The following CRPPA variants were observed in gnomAD, a reference collection of about 807,000 sequenced individuals.
CRPPA encodes the protein CDP-L-ribitol pyrophosphorylase A.
CRPPA carries 43 observed loss-of-function variants against 52.0 expected under a neutral mutation model. That is an observed-to-expected ratio of 0.83 (90% CI 0.65 to 1.07). CRPPA has a LOEUF of 1.07. Ranked by LOEUF, CRPPA falls within the 50% of genes least tolerant of loss-of-function variation. The pLI, the probability that CRPPA is intolerant of heterozygous loss-of-function variation, is 0.00. For synonymous variants in CRPPA, 250 were observed against 203.5 expected (o/e 1.23, Z -1.94); for missense variants, 629 against 551.7 (o/e 1.14, Z -1.40).
At chr7:16,224,937 A>G (rs1274645621) in intron 8 of CRPPA, among the ~76,000 whole-genome samples, 1 of 152,170 alleles carries the variant, frequency 6.6e-6, no homozygotes, top group African/African-American at 2.4e-5. Flanking sequence ...CATAATTCTG[A>G]TGAATAGAAA....
chr7:16,254,634 T>A (rs953452067), intron 8 of CRPPA, among the ~76,000 whole-genome samples: 7 of 151,830 alleles, frequency 4.6e-5, no homozygotes, highest in Admixed American at 4.6e-4. Flanking sequence ...AAATACCTAA[T>A]GTAAACGACG....
At chr7:16,273,438 G>A (rs1236308331) in intron 6 of CRPPA, among the ~76,000 whole-genome samples, 1 of 151,990 alleles carries the variant, frequency 6.6e-6, no homozygotes, top group Non-Finnish European at 1.5e-5. Context: ...GACTTCAGAG[G>A]GACAGCTTGA....
intron 9 of CRPPA, among the ~76,000 whole-genome samples, chr7:16,166,001 G>T (rs1487565366): frequency 6.6e-6 from 1 of 152,220 alleles, no homozygotes; most frequent in Non-Finnish European, 1.5e-5. Flanking sequence ...AGAAAGGACA[G>T]AATTCCTCTG....
chr7:16,202,808 C>A (rs1781888996), intron 9 of CRPPA, among the ~76,000 whole-genome samples: 1 of 152,140 alleles, frequency 6.6e-6, no homozygotes, highest in Non-Finnish European at 1.5e-5. Context: ...ACAATTTTGT[C>A]AAGGCTGACA....
At chr7:16,312,810 C>T (rs746222209) in intron 3 of CRPPA, among the ~76,000 whole-genome samples, 1 of 151,848 alleles carries the variant, frequency 6.6e-6, no homozygotes, top group Non-Finnish European at 1.5e-5. Context: ...TTGTCAAATG[C>T]TTTTTCTCTA....
chr7:16,120,571 T>C (rs1389322346), intron 9 of CRPPA, among the ~76,000 whole-genome samples: 2 of 152,164 alleles, frequency 1.3e-5, no homozygotes, highest in Non-Finnish European at 2.9e-5. Flanking sequence ...AGCTATAACA[T>C]CATTGTTCTC....
At chr7:16,195,303 T>C (rs765776139) in intron 9 of CRPPA, among the ~76,000 whole-genome samples, 5 of 152,128 alleles carry the variant, frequency 3.3e-5, no homozygotes, top group African/African-American at 4.8e-5. Context: ...AGTATTTCCA[T>C]TGAGATTTTG....
chr7:16,395,507 T>G (rs1787546083), intron 2 of CRPPA, among the ~76,000 whole-genome samples: 1 of 152,244 alleles, frequency 6.6e-6, no homozygotes, highest in Admixed American at 6.5e-5. Flanking sequence ...CATTGGGAAT[T>G]ATAAGATTGA....
intron 9 of CRPPA, among the ~76,000 whole-genome samples, chr7:16,184,179 G>A (rs1271159180): frequency 6.6e-6 from 1 of 152,080 alleles, no homozygotes; most frequent in Non-Finnish European, 1.5e-5. Context: ...CTGACCTCAT[G>A]ATCTGCCCAC....
At chr7:16,398,919 ATCGAG>A (rs1787702742) in intron 2 of CRPPA, among the ~76,000 whole-genome samples, 1 of 152,216 alleles carries the variant, frequency 6.6e-6, no homozygotes, top group South Asian at 2.1e-4. Context: ...CTGACACATG[ATCGAG>A]TCGTTACTGA....
chr7:16,335,948 A>G (rs1433341969), intron 3 of CRPPA, among the ~76,000 whole-genome samples: 1 of 152,228 alleles, frequency 6.6e-6, no homozygotes, highest in Non-Finnish European at 1.5e-5. Flanking sequence ...AGGCCAGGAT[A>G]GAGTAGGATA....
intron 2 of CRPPA, among the ~76,000 whole-genome samples, chr7:16,385,623 T>C (rs1487655994): frequency 1.3e-5 from 2 of 152,200 alleles, no homozygotes; most frequent in Non-Finnish European, 2.9e-5. Context: ...GCAACAAATG[T>C]TCAGCCTGAA....
At chr7:16,212,675 T>C (rs1782182444) in intron 9 of CRPPA, among the ~76,000 whole-genome samples, 1 of 152,220 alleles carries the variant, frequency 6.6e-6, no homozygotes, top group African/African-American at 2.4e-5. Flanking sequence ...ATAACGCATC[T>C]CTGGACACAG....
intron 3 of CRPPA, among the ~76,000 whole-genome samples, chr7:16,355,821 C>T (rs971370922): frequency 6.6e-6 from 1 of 152,076 alleles, no homozygotes; most frequent in Non-Finnish European, 1.5e-5. Context: ...GCAAAGGGGC[C>T]GCCCACCAGC....
chr7:16,164,924 C>G (rs1470079159), intron 9 of CRPPA, among the ~76,000 whole-genome samples: 1 of 151,982 alleles, frequency 6.6e-6, no homozygotes, highest in African/African-American at 2.4e-5. Flanking sequence ...CAGAGCCCTC[C>G]TGTAGGAGGT....
intron 5 of CRPPA, among the ~76,000 whole-genome samples, chr7:16,286,095 A>ATATATAT (rs1554309930): frequency 1.9e-4 from 5 of 26,518 alleles, no homozygotes; most frequent in Middle Eastern, 0.028. Context: ...TTTAAAAAAA[A>ATATATAT]AAATATATAT....
chr7:16,144,203 C>A (rs1329980821), intron 9 of CRPPA, among the ~76,000 whole-genome samples: 1 of 152,288 alleles, frequency 6.6e-6, no homozygotes, highest in African/African-American at 2.4e-5. Flanking sequence ...CCACTCCTCC[C>A]CAGTCCTGCC....
chr7:16,398,360 G>C (rs546198695), intron 2 of CRPPA, among the ~76,000 whole-genome samples: 6 of 146,162 alleles, frequency 4.1e-5, no homozygotes, highest in African/African-American at 1.3e-4. Context: ...ACATGTGACA[G>C]AGGCAAGACC....
intron 9 of CRPPA, among the ~76,000 whole-genome samples, chr7:16,167,509 G>A (rs1279847441): frequency 6.6e-6 from 1 of 152,102 alleles, no homozygotes; most frequent in Non-Finnish European, 1.5e-5. Flanking sequence ...CTGGAATAAA[G>A]GCCTTGGGTC....
Sources: gnomAD v4.1 joint callset for allele counts (sites outside exome capture counted in the v4.1 genomes callset) on GRCh38, gnomAD v4.1.1 for gene constraint, MANE v1.5 for transcripts, NCBI Gene and HGNC (gene_info 2026-07-23, HGNC 2026-07-21) for gene names.